The following EPB41L2 variants were observed in gnomAD, a reference collection of about 807,000 sequenced individuals.
EPB41L2 encodes erythrocyte membrane protein band 4.1 like 2, also known as band 4.1-like protein 2.
A neutral mutation model predicts 113.0 loss-of-function variants in EPB41L2; 43 were observed. The ratio of observed to expected loss-of-function variants is 0.38; its 90% CI spans 0.30 to 0.49. The LOEUF is 0.49. EPB41L2 is among the 20% of genes least tolerant of loss of function. EPB41L2 has a pLI of 0.95. For missense variants in EPB41L2, 1,147 were observed against 1,223.4 expected, an observed-to-expected ratio of 0.94 and a Z score of 0.93; for synonymous variants, 442 against 436.7, an observed-to-expected ratio of 1.01 and a Z score of -0.15.
intron 1 of EPB41L2, among the ~76,000 whole-genome samples, chr6:131,012,514 G>C (rs907170210): frequency 6.8e-6 from 1 of 147,960 alleles, no homozygotes; most frequent in Admixed American, 6.9e-5. Flanking sequence ...TGAACATCAG[G>C]CTACTTATTA....
intron 13 of EPB41L2, among the ~76,000 whole-genome samples, 161 bp downstream of exon 13, chr6:130,879,982 AG>A (rs1788756367): frequency 6.6e-6 from 1 of 152,194 alleles, no homozygotes; most frequent in Non-Finnish European, 1.5e-5. Flanking sequence ...GCCACTTGAA[AG>A]GAACACCGTC....
rs141429034 is a variant in EPB41L2, at chr6:130,913,210, C to CA, written c.811-4348dup. Among the ~76,000 whole-genome samples the CA allele has an allele frequency of 6.2e-3, 941 of 152,324 alleles. 4 individuals are homozygous for CA. Among genetic ancestry groups the CA allele is most frequent in the Non-Finnish European group, 0.01 (689 of 68,028 alleles). ...AAACCCAGCAATATGAGTGAAAAGT[C>CA]AGACAGCCAAATTCAGACTTGGTGT... On this transcript the variant is annotated intron_variant, in intron 4 of 19. Coordinates refer to ENST00000337057, the MANE Select transcript of EPB41L2 (RefSeq NM_001431.4).
intron 3 of EPB41L2, among the ~76,000 whole-genome samples, chr6:130,953,769 T>C (rs566453313): frequency 2.0e-5 from 3 of 152,106 alleles, no homozygotes; most frequent in East Asian, 3.9e-4. Flanking sequence ...GGGAGCTGCC[T>C]TGTCCTTCCA....
In EPB41L2 at chr6:130,869,694, C is replaced by T; in HGVS notation, c.2476G>A (p.Glu826Lys). Residue 826 changes from glutamate (E) to lysine (K), a missense_variant, in exon 15 of 20, where the codon GAG (glutamate) becomes AAG (lysine). By Grantham distance (56) the Glu-to-Lys change is moderately conservative. Coordinates refer to ENST00000337057, the MANE Select transcript of EPB41L2 (RefSeq NM_001431.4). ...AGAGCGCCTTCGTGTACACTCTTCT[C>T]TCCGGGTATCTTTTGGGCACCTACA... ...ENVGAQKIPG[E>K]KSVHEGALKQ... 2.5e-6 allele frequency: 4 copies of T among 1,614,196 alleles called. No individual in the cohort carries two copies. Among genetic ancestry groups the T allele is most frequent in the Non-Finnish European group, 3.4e-6 (4 of 1,180,032 alleles).
chr6:130,861,552 C>A (rs1782054600), intron 18 of EPB41L2, among the ~76,000 whole-genome samples: 1 of 152,154 alleles, frequency 6.6e-6, no homozygotes, highest in Admixed American at 6.6e-5. Flanking sequence ...TGGTGACAAG[C>A]AGACCAAAAG....
At chr6:130,889,112 A>G (rs1193557366) in intron 11 of EPB41L2, among the ~76,000 whole-genome samples, 1 of 152,050 alleles carries the variant, frequency 6.6e-6, no homozygotes, top group African/African-American at 2.4e-5. Context: ...AATAGACAAG[A>G]AAAAATGTTT....
chr6:130,877,052 G>T (rs1396156409), intron 14 of EPB41L2, among the ~76,000 whole-genome samples: 1 of 152,112 alleles, frequency 6.6e-6, no homozygotes, highest in Non-Finnish European at 1.5e-5. Flanking sequence ...ACTCTACCAA[G>T]CATGTCTTAA....
At chr6:130,922,320 C>G (rs546710831) in intron 4 of EPB41L2, among the ~76,000 whole-genome samples, 1 of 152,194 alleles carries the variant, frequency 6.6e-6, no homozygotes, top group Admixed American at 6.5e-5. Context: ...CTTCAACACA[C>G]TATGTTTAAA....
Position 130,955,991 on chromosome 6 carries a change from T to G in EPB41L2, c.492+3A>C. The G allele has an allele frequency of 6.2e-7, 1 of 1,606,592 alleles. No homozygotes were observed. The highest frequency in any genetic ancestry group is 1.3e-5 in the African/African-American group (1 of 74,458). On this transcript the variant is annotated splice_donor_region_variant and intron_variant, in intron 2 of 19. Transcript: ENST00000337057. ...ATTTCCAGGCAATTATTCCCAAACA[T>G]ACCTGCATCTCCACTTTGCTCACTG...
chr6:131,023,735 A>ATAGC (rs1790088815), intron 1 of EPB41L2, among the ~76,000 whole-genome samples: 1 of 88,742 alleles, frequency 1.1e-5, no homozygotes, highest in African/African-American at 3.7e-5. Flanking sequence ...GTGTGTATAT[A>ATAGC]TATCTATATA....
chr6:131,060,291 T>C (rs1441506453), intron 1 of EPB41L2, among the ~76,000 whole-genome samples: 2 of 152,358 alleles, frequency 1.3e-5, no homozygotes, highest in East Asian at 1.9e-4. Context: ...ACAACCTTTG[T>C]AGTTCACCAG....
chr6:130,916,364 C>T (rs1001510525), intron 4 of EPB41L2, among the ~76,000 whole-genome samples: 5 of 151,986 alleles, frequency 3.3e-5, no homozygotes, highest in African/African-American at 9.7e-5. Context: ...ATTTTCATTA[C>T]GGGTTCCCAG....
At chr6:130,895,152 G>A in intron 8 of EPB41L2, 33 bp from the exon 9 acceptor site, 2 of 1,562,718 alleles carry the variant, frequency 1.3e-6, no homozygotes, top group Non-Finnish European at 1.7e-6. Context: ...CCATGGTTAA[G>A]AGCTGTGAAA....
chr6:130,856,313 T>C (rs1398160059), intron 19 of EPB41L2, among the ~76,000 whole-genome samples: 4 of 152,132 alleles, frequency 2.6e-5, no homozygotes, highest in Non-Finnish European at 5.9e-5. Context: ...ATTTGCAACA[T>C]ATAAAATTGA....
intron 3 of EPB41L2, among the ~76,000 whole-genome samples, chr6:130,933,275 A>C (rs1016465841): frequency 2.6e-5 from 4 of 152,210 alleles, no homozygotes; most frequent in African/African-American, 7.2e-5. Flanking sequence ...ATCCGAGTCA[A>C]TCTCTATTCT....
At chr6:130,984,837 G>A (rs1379205366) in intron 1 of EPB41L2, among the ~76,000 whole-genome samples, 1 of 152,030 alleles carries the variant, frequency 6.6e-6, no homozygotes, top group African/African-American at 2.4e-5. Context: ...TACGGGCTTG[G>A]GACCAAGAGA....
chr6:130,895,336 G>A (rs2128488052), intron 8 of EPB41L2, among the ~76,000 whole-genome samples: 1 of 152,258 alleles, frequency 6.6e-6, no homozygotes, highest in East Asian at 1.9e-4. Context: ...TTGCCGAAGA[G>A]TTACGGCAAC....
intron 9 of EPB41L2, among the ~76,000 whole-genome samples, 163 bp downstream of exon 9, chr6:130,894,804 C>T (rs572915099): frequency 2.6e-5 from 4 of 152,058 alleles, no homozygotes; most frequent in South Asian, 2.1e-4. Context: ...ACAGACCAGA[C>T]GTATATATAC....
intron 1 of EPB41L2, among the ~76,000 whole-genome samples, chr6:131,001,615 C>T (rs548724599): frequency 6.6e-6 from 1 of 152,258 alleles, no homozygotes; most frequent in South Asian, 2.1e-4. Context: ...GTTTGAAAAC[C>T]TCCTGGAAAA....
Sources: allele counts gnomAD v4.1 joint callset (sites outside exome capture counted in the v4.1 genomes callset), GRCh38; gene constraint gnomAD v4.1.1; transcripts MANE v1.5; gene names NCBI Gene and HGNC (gene_info 2026-07-23, HGNC 2026-07-21).